Variants in KLHL32 observed in about 807,000 individuals in gnomAD.
KLHL32 encodes kelch-like protein 32.
In KLHL32, 35 loss-of-function variants were observed where a neutral mutation model predicts 64.8. The observed-to-expected ratio is 0.54, with a 90% confidence interval of 0.41 to 0.72. KLHL32 has a LOEUF of 0.72. Among genes scored for constraint, KLHL32 ranks in the 30% least tolerant of loss-of-function variants. KLHL32 has a pLI of 0.00. For synonymous variants in KLHL32, 259 were observed against 281.0 expected (o/e 0.92, Z 0.78); for missense variants, 589 against 768.5 (o/e 0.77, Z 2.76).
At chr6:96,961,898 T>A (rs920155772) in intron 1 of KLHL32, among the ~76,000 whole-genome samples, 7 of 152,194 alleles carry the variant, frequency 4.6e-5, no homozygotes, top group African/African-American at 1.4e-4. Context: ...AAGTTGAAGG[T>A]CTCAACTGGC....
chr6:97,090,135 G>T (rs2128184727), intron 6 of KLHL32, among the ~76,000 whole-genome samples: 1 of 152,204 alleles, frequency 6.6e-6, no homozygotes, highest in Non-Finnish European at 1.5e-5. Flanking sequence ...ATTACCTACT[G>T]CTTGCACTCT....
At chr6:97,019,014 T>G (rs955587507) in intron 3 of KLHL32, among the ~76,000 whole-genome samples, 3 of 152,178 alleles carry the variant, frequency 2.0e-5, no homozygotes, top group Non-Finnish European at 4.4e-5. Context: ...GATAGTTAAG[T>G]AGGTTGTTCT....
At chr6:96,984,008 T>G (rs1240509679) in intron 3 of KLHL32, among the ~76,000 whole-genome samples, 4 of 152,238 alleles carry the variant, frequency 2.6e-5, no homozygotes, top group Admixed American at 1.3e-4. Flanking sequence ...CTTTCTCTTG[T>G]GGGCATTTAG....
chr6:97,083,201 C>T (rs1021054231), intron 5 of KLHL32, among the ~76,000 whole-genome samples: 6 of 152,106 alleles, frequency 3.9e-5, no homozygotes, highest in African/African-American at 1.4e-4. Flanking sequence ...ACCAGCCTGA[C>T]CAATATGGTG....
intron 3 of KLHL32, among the ~76,000 whole-genome samples, chr6:97,038,807 G>A (rs1784668976): frequency 6.6e-6 from 1 of 152,006 alleles, no homozygotes; most frequent in African/African-American, 2.4e-5. Flanking sequence ...ATTGGGCTGG[G>A]TGCAGTAGCT....
chr6:96,930,288 A>G (rs925705436), intron 1 of KLHL32, among the ~76,000 whole-genome samples: 1 of 152,146 alleles, frequency 6.6e-6, no homozygotes, highest in South Asian at 2.1e-4. Flanking sequence ...TTTTAGTTCT[A>G]CAATTGAAAG....
chr6:96,941,363 C>T (rs1292125682), intron 1 of KLHL32, among the ~76,000 whole-genome samples: 3 of 152,136 alleles, frequency 2.0e-5, no homozygotes, highest in African/African-American at 7.2e-5. Flanking sequence ...GTGAAACAAA[C>T]ATGCATTTTG....
chr6:96,940,728 T>C lies in KLHL32; in HGVS notation c.-66+15702T>C, dbSNP rs76132178. 1.4e-3 allele frequency among the ~76,000 whole-genome samples: 211 copies of C among 152,354 alleles called. 1 individual carries two copies. Among genetic ancestry groups the C allele is most frequent in the African/African-American group, 4.8e-3 (198 of 41,572 alleles). On this transcript the variant is annotated intron_variant, in intron 1 of 10. Transcript: ENST00000369261. The stretch of plus-strand genomic sequence containing the variant: ...GAACAGTTTCTTGCACACCAGACTT[T>C]GTAGTAAGATTCGTACTTACTCTCT...
chr6:96,942,889 T>C (rs1390019141), intron 1 of KLHL32, among the ~76,000 whole-genome samples: 1 of 152,162 alleles, frequency 6.6e-6, no homozygotes, highest in African/African-American at 2.4e-5. Context: ...CGATCAAGCC[T>C]GAGTAATGTG....
At chr6:97,082,333 G>T (rs561805776) in intron 5 of KLHL32, among the ~76,000 whole-genome samples, 119 of 152,252 alleles carry the variant, frequency 7.8e-4, no homozygotes, top group African/African-American at 2.8e-3. Flanking sequence ...CTCAGTTTAG[G>T]CTGGGAGCGG....
intron 3 of KLHL32, among the ~76,000 whole-genome samples, chr6:97,004,571 G>A (rs939308031): frequency 3.9e-5 from 6 of 152,114 alleles, no homozygotes; most frequent in Non-Finnish European, 8.8e-5. Context: ...CAAGGGGAAT[G>A]CTTCCAGCGT....
intron 3 of KLHL32, among the ~76,000 whole-genome samples, chr6:96,983,752 C>G (rs1428480227): frequency 6.6e-6 from 1 of 152,052 alleles, no homozygotes; most frequent in Admixed American, 6.6e-5. Context: ...TCTGTTGCGT[C>G]TATTTCATTC....
intron 3 of KLHL32, among the ~76,000 whole-genome samples, chr6:97,002,542 A>G (rs1328467438): frequency 1.3e-5 from 2 of 152,172 alleles, no homozygotes; most frequent in African/African-American, 4.8e-5. Flanking sequence ...TGTGCGTCAT[A>G]GGAGTTTGGT....
At chr6:97,121,968 C>T (rs991288513) in intron 7 of KLHL32, among the ~76,000 whole-genome samples, 1 of 152,136 alleles carries the variant, frequency 6.6e-6, no homozygotes, top group Non-Finnish European at 1.5e-5. Context: ...GAGTTTGACC[C>T]TGCTGGGAAT....
the KLHL32 span, among the ~76,000 whole-genome samples, chr6:96,901,096 G>A: frequency 1.3e-5 from 2 of 152,182 alleles, no homozygotes; most frequent in Non-Finnish European, 2.9e-5. Context: ...TCAGATTAGA[G>A]ATTAGAATGA....
At chr6:97,126,345 T>G (rs530730679) in intron 7 of KLHL32, among the ~76,000 whole-genome samples, 5 of 128,126 alleles carry the variant, frequency 3.9e-5, no homozygotes, top group African/African-American at 1.2e-4. Context: ...CTGTTTTATG[T>G]TTTTTTTTTT....
At chr6:97,092,902 T>C (rs961753174) in intron 6 of KLHL32, among the ~76,000 whole-genome samples, 1 of 152,238 alleles carries the variant, frequency 6.6e-6, no homozygotes, top group Non-Finnish European at 1.5e-5. Context: ...TATCAGAAAT[T>C]ACAGGAGACC....
the KLHL32 span, among the ~76,000 whole-genome samples, chr6:96,907,096 G>C: frequency 6.6e-6 from 1 of 152,182 alleles, no homozygotes; most frequent in Non-Finnish European, 1.5e-5. Context: ...AAGTATTTAT[G>C]CAAGTCAGAG....
chr6:96,955,607 G>C (rs1773161563), intron 1 of KLHL32, among the ~76,000 whole-genome samples: 1 of 152,056 alleles, frequency 6.6e-6, no homozygotes, highest in African/African-American at 2.4e-5. Context: ...TTTAACTTTT[G>C]GTAAGTGTAT....
Sources: allele counts gnomAD v4.1 joint callset (sites outside exome capture counted in the v4.1 genomes callset), GRCh38; gene constraint gnomAD v4.1.1; transcripts MANE v1.5; gene names NCBI Gene and HGNC (gene_info 2026-07-23, HGNC 2026-07-21).